Variants in EXOC2 observed in about 807,000 individuals in gnomAD.
The protein encoded by EXOC2 is SEC5-like 1.
A neutral mutation model predicts 131.8 loss-of-function variants in EXOC2; 70 were observed. The ratio of observed to expected loss-of-function variants is 0.53; its 90% CI spans 0.44 to 0.65. The LOEUF is 0.65. EXOC2 is among the 30% of genes least tolerant of loss of function. EXOC2 has a pLI of 0.00. For synonymous variants in EXOC2, 411 were observed against 398.4 expected (o/e 1.03, Z -0.38); for missense variants, 923 against 1,108.6 (o/e 0.83, Z 2.38).
At chr6:498,179 A>G (rs998882328) in intron 24 of EXOC2, among the ~76,000 whole-genome samples, 1 of 152,250 alleles carries the variant, frequency 6.6e-6, no homozygotes, top group Non-Finnish European at 1.5e-5. Context: ...TAACCCAAAC[A>G]TAACTTGAGT....
At chr6:604,286 T>C (rs1561914420) in intron 7 of EXOC2, among the ~76,000 whole-genome samples, 1 of 152,208 alleles carries the variant, frequency 6.6e-6, no homozygotes, top group Non-Finnish European at 1.5e-5. Flanking sequence ...TCCTTTTCCC[T>C]ATGTAACATG....
At chr6:616,804 G>A (rs1411892389) in intron 6 of EXOC2, among the ~76,000 whole-genome samples, 1 of 150,916 alleles carries the variant, frequency 6.6e-6, no homozygotes, top group Non-Finnish European at 1.5e-5. Flanking sequence ...GTGCAGTGGC[G>A]CGATCTCGGC....
At chr6:527,031 C>T (rs1320673520) in intron 23 of EXOC2, among the ~76,000 whole-genome samples, 1 of 152,186 alleles carries the variant, frequency 6.6e-6, no homozygotes, top group Non-Finnish European at 1.5e-5. Flanking sequence ...CGTTACTAAA[C>T]ATGGGTACCT....
chr6:647,538 G>A (rs1289657599), intron 1 of EXOC2, among the ~76,000 whole-genome samples: 5 of 141,268 alleles, frequency 3.5e-5, no homozygotes, highest in Non-Finnish European at 6.1e-5. Context: ...CCTGGTGACC[G>A]GATCTGTAAG....
chr6:556,037 A>C (rs1294853520), intron 18 of EXOC2, 24 bp from the exon 19 acceptor site: 3 of 1,610,224 alleles, frequency 1.9e-6, no homozygotes, highest in Non-Finnish European at 1.7e-6. Context: ...TTTTGATGAA[A>C]ATTTTTGGAC....
chr6:528,845 G>A (rs1256912719), intron 23 of EXOC2, among the ~76,000 whole-genome samples: 2 of 152,226 alleles, frequency 1.3e-5, no homozygotes, highest in Non-Finnish European at 2.9e-5. Context: ...GTCATGGCTG[G>A]AAAATATGAA....
Position 499,008 on chromosome 6 carries a change from A to G in EXOC2, c.2436+637T>C, listed in dbSNP as rs538081593. ...GTGGTAGCTCTGGTCTCTTCTTTCA[A>G]TGTTCCTCAGAAGAGTCCTCCTAAC... is the stretch of plus-strand genomic sequence containing the variant. On this transcript the variant is annotated intron_variant, in intron 24 of 27. Transcript: ENST00000230449. Among the ~76,000 whole-genome samples the G allele has an allele frequency of 2.4e-3, 369 of 152,320 alleles. 3 individuals carry two copies. Among genetic ancestry groups the G allele is most frequent in the Non-Finnish European group, 4.5e-3 (305 of 68,028 alleles).
At position 667,622 on chromosome 6, in the gene EXOC2, G is replaced by T. The variant is rs1490387953; in HGVS notation, c.-44+25397C>A. ...ATCTTTTCCTGCTCTTGAATCACCA[G>T]AATGCCACGGTCTTCTGAGCTTTGG... On this transcript the variant is annotated intron_variant, in intron 1 of 27. Coordinates refer to ENST00000230449, the MANE Select transcript of EXOC2 (RefSeq NM_018303.6). Among the ~76,000 whole-genome samples the T allele has an allele frequency of 4.1e-5, 4 of 97,102 alleles. 1 individual carries two copies. The highest frequency in any genetic ancestry group is 9.8e-5 in the Non-Finnish European group (4 of 40,992). 63.7% of individuals were successfully genotyped at this position (97,102 alleles called of 152,430 possible).
intron 13 of EXOC2, among the ~76,000 whole-genome samples, chr6:568,830 T>C (rs545802527): frequency 9.3e-4 from 141 of 152,318 alleles, no homozygotes; most frequent in African/African-American, 3.2e-3. Flanking sequence ...TTAAAAAACA[T>C]ATAAAAATTA....
At chr6:545,680 T>C (rs949443042) in intron 22 of EXOC2, among the ~76,000 whole-genome samples, 2 of 152,236 alleles carry the variant, frequency 1.3e-5, no homozygotes, top group African/African-American at 4.8e-5. Context: ...AAAAGCTATC[T>C]GGCAATATTT....
In EXOC2 at chr6:538,937, T is replaced by A. The variant is rs547815108; in HGVS notation, c.2239-6327A>T. ...AAATACGAAAATTAGCCGGCTGTGG[T>A]GACAGGTGCCTGTAATCCCAGCTAC... On this transcript the variant is annotated intron_variant, in intron 22 of 27. Transcript: ENST00000230449. 7.2e-5 allele frequency among the ~76,000 whole-genome samples: 11 copies of A among 152,150 alleles called. No individual in the cohort carries two copies. In the South Asian group the frequency reaches 1.5e-3, roughly 20 times the overall value.
chr6:656,473 G>T (rs138339347), intron 1 of EXOC2: 1 of 1,611,418 alleles, frequency 6.2e-7, no homozygotes, highest in South Asian at 1.1e-5. Context: ...CGCGGCAGGC[G>T]GATGCTCGCG....
At chr6:546,502 A>AC (rs1338793269) in intron 22 of EXOC2, among the ~76,000 whole-genome samples, 1 of 152,120 alleles carries the variant, frequency 6.6e-6, no homozygotes, top group Non-Finnish European at 1.5e-5. Flanking sequence ...TGTGCAGGTG[A>AC]CCCTTGAACA....
chr6:569,804 A>G (rs1279526443), intron 13 of EXOC2, among the ~76,000 whole-genome samples: 1 of 152,268 alleles, frequency 6.6e-6, no homozygotes, highest in Non-Finnish European at 1.5e-5. Context: ...TATCCAATTC[A>G]GCACAACCAA....
chr6:584,721 C>A (rs1440680546), intron 11 of EXOC2, among the ~76,000 whole-genome samples: 2 of 152,240 alleles, frequency 1.3e-5, no homozygotes, highest in African/African-American at 4.8e-5. Context: ...CGAGAACTTA[C>A]TGCTTACTTA....
intron 11 of EXOC2, among the ~76,000 whole-genome samples, chr6:587,489 C>A (rs1289898735): frequency 1.3e-5 from 2 of 152,320 alleles, no homozygotes. Context: ...CATGGTCCGC[C>A]AGCCTCAGCC....
At chr6:594,583 A>G (rs1759711820) in intron 10 of EXOC2, among the ~76,000 whole-genome samples, 1 of 152,286 alleles carries the variant, frequency 6.6e-6, no homozygotes. Flanking sequence ...CCAGGAGTAC[A>G]GCAAGAGGAA....
At chr6:607,439 G>A (rs1760480182) in intron 7 of EXOC2, among the ~76,000 whole-genome samples, 3 of 152,180 alleles carry the variant, frequency 2.0e-5, no homozygotes, top group South Asian at 4.2e-4. Context: ...AGATAGTTTC[G>A]AGCAACACCT....
At position 535,705 on chromosome 6, in the gene EXOC2, T is replaced by C. The variant is rs188574485; in HGVS notation, c.2239-3095A>G. On this transcript the variant is annotated intron_variant, in intron 22 of 27. Coordinates refer to ENST00000230449, the MANE Select transcript of EXOC2 (RefSeq NM_018303.6). Reference sequence around the variant, plus strand: ...GAACTTCAGGTCCAGGTGGTTTCATTTGTGACTCTACCAAGCATGTAAGGA... The same window carrying C: ...GAACTTCAGGTCCAGGTGGTTTCATCTGTGACTCTACCAAGCATGTAAGGA... Among the ~76,000 whole-genome samples, 9 of 152,322 alleles carry C rather than the reference T, an allele frequency of 5.9e-5. 1 individual carries two copies. Among genetic ancestry groups the C allele is most frequent in the African/African-American group, 1.4e-4 (6 of 41,586 alleles).
Sources: gnomAD v4.1 joint callset for allele counts (sites outside exome capture counted in the v4.1 genomes callset) on GRCh38, gnomAD v4.1.1 for gene constraint, MANE v1.5 for transcripts, NCBI Gene and HGNC (gene_info 2026-07-23, HGNC 2026-07-21) for gene names.